Variants in PRKN observed in about 807,000 individuals in gnomAD.
PRKN encodes the protein parkin RBR E3 ubiquitin protein ligase, also known as E3 ubiquitin-protein ligase parkin.
In PRKN, 56 loss-of-function variants were observed where a neutral mutation model predicts 59.5. The observed-to-expected ratio is 0.94, with a 90% CI of 0.76 to 1.18. The LOEUF (loss-of-function observed/expected upper bound fraction) is 1.18, where lower values mean the gene tolerates loss of function less well. Among genes scored for constraint, PRKN ranks in the 50% most tolerant of loss-of-function variants. The pLI is 0.00. For missense variants in PRKN, 657 were observed against 596.4 expected, an observed-to-expected ratio of 1.10 and a Z score of -1.06; for synonymous variants, 250 against 222.1, an observed-to-expected ratio of 1.13 and a Z score of -1.12.
chr6:161,812,727 G>C (rs1180711414), intron 6 of PRKN, among the ~76,000 whole-genome samples: 1 of 152,148 alleles, frequency 6.6e-6, no homozygotes, highest in East Asian at 1.9e-4. Context: ...TAAAAAGACT[G>C]ACAATACCAA....
At chr6:162,154,399 G>T (rs1489464667) in intron 4 of PRKN, among the ~76,000 whole-genome samples, 1 of 152,070 alleles carries the variant, frequency 6.6e-6, no homozygotes, top group Non-Finnish European at 1.5e-5. Flanking sequence ...TTTCAATTCA[G>T]TCCCCAAATC....
chr6:161,974,429 C>T (rs1179250593), intron 5 of PRKN, among the ~76,000 whole-genome samples: 1 of 152,162 alleles, frequency 6.6e-6, no homozygotes, highest in Non-Finnish European at 1.5e-5. Context: ...CAGCCAGGTC[C>T]TGCCACATAC....
chr6:162,209,791 G>A (rs2128334302), intron 3 of PRKN, among the ~76,000 whole-genome samples: 1 of 152,272 alleles, frequency 6.6e-6, no homozygotes, highest in Non-Finnish European at 1.5e-5. Context: ...AAAAGAATGA[G>A]TTCATGTCCT....
intron 1 of PRKN, among the ~76,000 whole-genome samples, chr6:162,489,774 T>G (rs1185872905): frequency 6.6e-6 from 1 of 152,192 alleles, no homozygotes; most frequent in Non-Finnish European, 1.5e-5. Flanking sequence ...CTGAAGGATG[T>G]GCTGTCCGTG....
In PRKN at chr6:161,448,004, A is replaced by C. The variant is rs552331047; in HGVS notation, c.1084-61127T>G. 1.3e-5 allele frequency among the ~76,000 whole-genome samples: 2 copies of C among 152,300 alleles called. No homozygotes were observed. Among genetic ancestry groups the C allele is most frequent in the Non-Finnish European group, 2.9e-5 (2 of 68,022 alleles). On this transcript the variant is annotated intron_variant, in intron 9 of 11. Transcript: ENST00000366898. The surrounding 1 kb of genome is among the most constrained non-coding windows in gnomAD (Gnocchi z 5.1). Reference sequence around the variant, plus strand: ...CAGACTTATAGCCTTCATTCAAACCAGACTGAATGATGTGGGAGGTAGGGA... The same window carrying C: ...CAGACTTATAGCCTTCATTCAAACCCGACTGAATGATGTGGGAGGTAGGGA...
chr6:162,465,527 A>C (rs1202269902), intron 1 of PRKN, among the ~76,000 whole-genome samples: 2 of 152,230 alleles, frequency 1.3e-5, no homozygotes, highest in Non-Finnish European at 2.9e-5. Context: ...ATGTCAGAAG[A>C]AGCAGATTAA....
At position 161,399,157 on chromosome 6, in the gene PRKN, A is replaced by G. The variant is rs757917833; in HGVS notation, c.1084-12280T>C. Reference sequence around the variant, plus strand: ...GACGGCCCAACTCCAGGGGAAGATCATCTTTCTACTCCATCCCCTTTCCAG... The same window carrying G: ...GACGGCCCAACTCCAGGGGAAGATCGTCTTTCTACTCCATCCCCTTTCCAG... On this transcript the variant is annotated intron_variant, in intron 9 of 11. Transcript: ENST00000366898. This position sits in a 1 kb window ranked among gnomAD's most constrained non-coding sequence, Gnocchi z 4.4. 2.6e-5 allele frequency among the ~76,000 whole-genome samples: 4 copies of G among 152,090 alleles called. No individual in the cohort carries two copies. The highest frequency in any genetic ancestry group is 2.1e-4 in the South Asian group (1 of 4,820).
At chr6:162,598,179 G>A (rs1781563337) in intron 1 of PRKN, among the ~76,000 whole-genome samples, 2 of 152,074 alleles carry the variant, frequency 1.3e-5, no homozygotes, top group South Asian at 4.1e-4. Flanking sequence ...AAATTTCTGA[G>A]AAATTGTTTT....
chr6:162,173,067 A>G (rs1242797853), intron 4 of PRKN, among the ~76,000 whole-genome samples: 2 of 152,084 alleles, frequency 1.3e-5, no homozygotes, highest in Non-Finnish European at 2.9e-5. Flanking sequence ...GCAGAGGTGA[A>G]TACCTCCCCA....
chr6:162,270,627 A>AGAAAAG (rs1397534421), intron 2 of PRKN: 2 of 152,224 alleles, frequency 1.3e-5, no homozygotes, highest in Non-Finnish European at 2.9e-5. Flanking sequence ...TTTTCTATCT[A>AGAAAAG]GAAAAGGAAT....
At position 162,682,810 on chromosome 6, in the gene PRKN, A is replaced by G. The variant is rs548310101; in HGVS notation, c.7+44852T>C. On this transcript the variant is annotated intron_variant, in intron 1 of 11. Coordinates refer to ENST00000366898, the MANE Select transcript of PRKN (RefSeq NM_004562.3). ...TTTAAAAATTAAAAAAGAAGAAAAA[A>G]AAGAACATATGGTAGATTCTATTAA... Among the ~76,000 whole-genome samples, 21 of 152,294 alleles carry G rather than the reference A, an allele frequency of 1.4e-4. No homozygotes were observed. The South Asian group carries it at 3.1e-3, about 23-fold the overall frequency.
intron 3 of PRKN, among the ~76,000 whole-genome samples, chr6:162,208,912 T>G (rs895394707): frequency 2.6e-5 from 4 of 152,156 alleles, no homozygotes; most frequent in Admixed American, 2.6e-4. Context: ...AAGCTGAAAC[T>G]GGATCCCTTC....
At chr6:161,862,075 A>T (rs1042121292) in intron 6 of PRKN, among the ~76,000 whole-genome samples, 7 of 152,136 alleles carry the variant, frequency 4.6e-5, no homozygotes, top group African/African-American at 1.7e-4. Flanking sequence ...TTCTCTTCTA[A>T]GGACATTTGT....
intron 1 of PRKN, among the ~76,000 whole-genome samples, chr6:162,574,769 T>TTTTTTG (rs1287219142): frequency 1.8e-5 from 1 of 55,426 alleles, no homozygotes; most frequent in Non-Finnish European, 5.1e-5. Context: ...ACTAAGTTGT[T>TTTTTTG]TTTTTTTTTT....
At chr6:161,970,602 A>G (rs893996912) in intron 6 of PRKN, among the ~76,000 whole-genome samples, 3 of 151,684 alleles carry the variant, frequency 2.0e-5, no homozygotes, top group East Asian at 3.9e-4. Context: ...CAGTGGTACA[A>G]TCTTGGCTCA....
At chr6:162,662,447 T>C (rs1170958463) in intron 1 of PRKN, among the ~76,000 whole-genome samples, 1 of 151,210 alleles carries the variant, frequency 6.6e-6, no homozygotes, top group East Asian at 1.9e-4. Flanking sequence ...TTATCTATTT[T>C]TGTTTATGTT....
At chr6:162,246,291 A>ATGTAG (rs1349729528) in intron 3 of PRKN, among the ~76,000 whole-genome samples, 1 of 152,140 alleles carries the variant, frequency 6.6e-6, no homozygotes, top group Non-Finnish European at 1.5e-5. Flanking sequence ...ACAAGAGGGT[A>ATGTAG]TGTAGAGGAA....
chr6:161,679,683 CCTTT>C (rs1785234036), intron 7 of PRKN, among the ~76,000 whole-genome samples: 1 of 128,736 alleles, frequency 7.8e-6, no homozygotes, highest in Admixed American at 7.6e-5. Flanking sequence ...CACCCCCCCC[CCTTT>C]TTTTTTTTTA....
rs1206282503 is a variant in PRKN at position 162,658,663 on chromosome 6, AAAAAAAAAAAG to A, written c.7+68988_7+68998del. ...GCGACAGAGTGAGACTCTGTCAAAA[AAAAAAAAAAAG>A]AAAAAAAAAAGAAAAAAGAAAAAGA... On this transcript the variant is annotated intron_variant, in intron 1 of 11. Coordinates refer to ENST00000366898, the MANE Select transcript of PRKN (RefSeq NM_004562.3). Among the ~76,000 whole-genome samples the A allele has an allele frequency of 5.1e-3, 579 of 113,300 alleles. 2 individuals are homozygous for A. Among genetic ancestry groups the A allele is most frequent in the African/African-American group, 0.017 (550 of 31,874 alleles). The allele number at this position is 113,300 out of a possible 152,430, so 74.3% of individuals were successfully genotyped here.
Sources: gnomAD v4.1 joint callset for allele counts (sites outside exome capture counted in the v4.1 genomes callset) on GRCh38, gnomAD v4.1.1 for gene constraint, Gnocchi (gnomAD v3.1) non-coding constraint, MANE v1.5 for transcripts, NCBI Gene and HGNC (gene_info 2026-07-23, HGNC 2026-07-21) for gene names.